Variants in TNRC6C observed in about 807,000 individuals in gnomAD.
The protein encoded by TNRC6C is trinucleotide repeat-containing gene 6C protein.
A neutral mutation model predicts 153.7 loss-of-function variants in TNRC6C; 20 were observed. That is an observed-to-expected ratio of 0.13 (90% CI 0.09 to 0.19). The LOEUF is 0.19. TNRC6C is among the 10% of genes least tolerant of loss of function. TNRC6C has a pLI of 1.00. For synonymous variants in TNRC6C, 811 were observed against 841.4 expected, an observed-to-expected ratio of 0.96 and a Z score of 0.63; for missense variants, 1,987 against 2,172.0, an observed-to-expected ratio of 0.91 and a Z score of 1.69.
intron 4 of TNRC6C, among the ~76,000 whole-genome samples, chr17:78,065,716 CA>C (rs2072862636): frequency 6.6e-6 from 1 of 152,070 alleles, no homozygotes; most frequent in African/African-American, 2.4e-5. Context: ...TGGAATTTGC[CA>C]TGTTTGTTTT....
chr17:77,984,367 A>AC (rs1441104801), intron 1 of TNRC6C, among the ~76,000 whole-genome samples: 15 of 149,578 alleles, frequency 1.0e-4, no homozygotes, highest in African/African-American at 3.5e-4. Flanking sequence ...AAAAAAAAAA[A>AC]ACAAAAAAAA....
chr17:78,011,515 A>G (rs1229692468), intron 1 of TNRC6C, among the ~76,000 whole-genome samples: 1 of 152,190 alleles, frequency 6.6e-6, no homozygotes, highest in African/African-American at 2.4e-5. Context: ...TCAGTAGTTC[A>G]TTCCTTTTTA....
chr17:78,050,504 G>C (rs2072503237), exon 3 of TNRC6C: 1 of 1,614,040 alleles, frequency 6.2e-7, no homozygotes, highest in East Asian at 2.2e-5. Flanking sequence ...GCCTGGGGTT[G>C]TGCAGCTACT....
At chr17:78,012,353 G>A (rs1203076149) in intron 1 of TNRC6C, among the ~76,000 whole-genome samples, 1 of 152,134 alleles carries the variant, frequency 6.6e-6, no homozygotes, top group Non-Finnish European at 1.5e-5. Context: ...GGTGGAGGGT[G>A]GAAGGAGGGA....
chr17:78,063,176 C>T (rs1054243464), intron 3 of TNRC6C, among the ~76,000 whole-genome samples: 13 of 151,432 alleles, frequency 8.6e-5, no homozygotes, highest in African/African-American at 2.7e-4. Flanking sequence ...ACCCGGGAGG[C>T]GGTGGTTGCA....
chr17:78,007,489 G>C (rs1423709375), intron 1 of TNRC6C, among the ~76,000 whole-genome samples: 1 of 152,154 alleles, frequency 6.6e-6, no homozygotes, highest in Non-Finnish European at 1.5e-5. Context: ...ACACAGGTTG[G>C]CCTGACTGTA....
intron 13 of TNRC6C, among the ~76,000 whole-genome samples, chr17:78,090,229 T>C (rs2073369838): frequency 6.6e-6 from 1 of 152,204 alleles, no homozygotes; most frequent in Non-Finnish European, 1.5e-5. Context: ...AGTGGGTCTA[T>C]GTTCCAGGTA....
rs1345575536 is a variant in TNRC6C at position 78,049,343 on chromosome 17, C to T, written c.281C>T (p.Ala94Val). The stretch of plus-strand genomic sequence containing the variant: ...TGCTGGGGTGCTTCCAACTCCAATG[C>T]TGGCATTAATCTTAACCTTAATCCT... Residue 94 changes from alanine (A) to valine (V), a missense_variant, in exon 3 of 20, where the codon GCT (alanine) becomes GTT (valine). This residue lies in a region of TNRC6C where 1,052 missense variants were observed against 1,017.0 expected (regional missense o/e 1.03). Transcript: ENST00000301624. This position sits in a 1 kb window ranked among gnomAD's most constrained non-coding sequence, Gnocchi z 4.1. 4 of 1,613,900 alleles carry T rather than the reference C, an allele frequency of 2.5e-6. No homozygotes were observed. In the Admixed American group the frequency reaches 6.7e-5, roughly 27 times the overall value.
In TNRC6C at chr17:78,104,897, G is replaced by T. The variant is rs377148817; in HGVS notation, c.*52G>T. 12 of 1,377,612 alleles carry T rather than the reference G, an allele frequency of 8.7e-6. No individual in the cohort carries two copies. In the East Asian group the frequency reaches 3.5e-4, roughly 40 times the overall value. The allele number at this position is 1,377,612 out of a possible 1,614,324, so 85.3% of individuals were successfully genotyped here. On this transcript the variant is annotated 3_prime_UTR_variant, in exon 20 of 20. Coordinates refer to ENST00000301624, the Ensembl canonical transcript of TNRC6C. This position sits in a 1 kb window ranked among gnomAD's most constrained non-coding sequence, Gnocchi z 6.2. The stretch of plus-strand genomic sequence containing the variant: ...GCCGACCCCTCCCGGGACCCCTCCC[G>T]GCTGGGCGGCCCCACAGACCCGCTG...
exon 20 of TNRC6C, chr17:78,107,377 TGAA>T (rs1320890410): frequency 6.6e-6 from 1 of 152,256 alleles, no homozygotes; most frequent in East Asian, 1.9e-4. Flanking sequence ...ATGTGACTGT[TGAA>T]GAACATGCAT....
intron 1 of TNRC6C, among the ~76,000 whole-genome samples, chr17:77,984,743 C>G (rs1391452850): frequency 6.6e-6 from 1 of 152,206 alleles, no homozygotes; most frequent in Non-Finnish European, 1.5e-5. Context: ...CTTTCTGCTA[C>G]TCTCTAGCTG....
At chr17:78,099,082 G>A (rs1031634548) in intron 17 of TNRC6C, among the ~76,000 whole-genome samples, 4 of 152,212 alleles carry the variant, frequency 2.6e-5, no homozygotes, top group African/African-American at 7.2e-5. Flanking sequence ...TGAAAGAAAT[G>A]TACTGGGAAT....
intron 1 of TNRC6C, among the ~76,000 whole-genome samples, chr17:78,010,961 G>A (rs576347668): frequency 4.3e-4 from 66 of 152,224 alleles, no homozygotes; most frequent in African/African-American, 1.0e-3. Flanking sequence ...GAAGCGGGGC[G>A]CTGTGCTCCG....
intron 1 of TNRC6C, among the ~76,000 whole-genome samples, chr17:77,990,430 A>G (rs1046832305): frequency 6.6e-6 from 1 of 152,116 alleles, no homozygotes; most frequent in African/African-American, 2.4e-5. Flanking sequence ...GGGTGTAGCC[A>G]TTTCTTTCAT....
chr17:77,963,847 T>C (rs746667527), intron 1 of TNRC6C, among the ~76,000 whole-genome samples: 1 of 152,236 alleles, frequency 6.6e-6, no homozygotes, highest in African/African-American at 2.4e-5. Context: ...TGAGCAATAA[T>C]ATAGCTTCTT....
At chr17:78,091,549 C>T (rs2073393821) in exon 14 of TNRC6C, 1 of 1,605,064 alleles carries the variant, frequency 6.2e-7, no homozygotes, top group Non-Finnish European at 8.5e-7. Flanking sequence ...CGCACCCCAA[C>T]TCCATGGATA....
intron 11 of TNRC6C, among the ~76,000 whole-genome samples, chr17:78,085,135 G>A (rs1246368578): frequency 6.6e-6 from 1 of 152,158 alleles, no homozygotes; most frequent in African/African-American, 2.4e-5. Flanking sequence ...GAGGAAGATC[G>A]CTTTCTGCCA....
exon 2 of TNRC6C, chr17:78,031,731 A>T: frequency 8.1e-7 from 1 of 1,232,328 alleles, no homozygotes; most frequent in Non-Finnish European, 1.0e-6. Flanking sequence ...GCCATTGCCT[A>T]CGGGGACTCT....
At chr17:78,078,212 T>C (rs2073117924) in intron 9 of TNRC6C, among the ~76,000 whole-genome samples, 1 of 152,214 alleles carries the variant, frequency 6.6e-6, no homozygotes, top group African/African-American at 2.4e-5. Flanking sequence ...TTCTGCCAGC[T>C]TCAAGTCAGC....
Sources: allele counts gnomAD v4.1 joint callset (sites outside exome capture counted in the v4.1 genomes callset), GRCh38; gene constraint gnomAD v4.1.1; regional missense constraint gnomAD v4.1.1; non-coding constraint Gnocchi (gnomAD v3.1); transcripts MANE v1.5; gene names NCBI Gene and HGNC (gene_info 2026-07-23, HGNC 2026-07-21).